The following THUMPD2 variants were observed in gnomAD, a reference collection of about 807,000 sequenced individuals.
THUMPD2 encodes U6 snRNA (guanine-N(2))-methyltransferase THUMPD2.
Under a neutral mutation model 49.4 loss-of-function variants are expected in THUMPD2, and 56 were observed. The observed-to-expected ratio is 1.13, with a 90% confidence interval of 0.91 to 1.41. The LOEUF is 1.41. Among genes scored for constraint, THUMPD2 ranks in the 40% most tolerant of loss-of-function variants. The pLI, the probability that THUMPD2 is intolerant of heterozygous loss-of-function variation, is 0.00. For missense variants in THUMPD2, 709 were observed against 594.5 expected, an observed-to-expected ratio of 1.19 and a Z score of -2.00; for synonymous variants, 237 against 205.2, an observed-to-expected ratio of 1.15 and a Z score of -1.32.
At position 39,736,078 on chromosome 2, in the gene THUMPD2, GTTTC is replaced by G. The variant is rs1476290825; in HGVS notation, c.*653_*656del. ...AGCATATATTCTCCTCAAACTTACT[GTTTC>G]TTTTTCTCAGGTAGTGAACATAAGC... is the stretch of plus-strand genomic sequence containing the variant. On this transcript the variant is annotated 3_prime_UTR_variant, in exon 10 of 10. Transcript: ENST00000505747. 2 of 152,226 alleles carry G rather than the reference GTTTC, an allele frequency of 1.3e-5. No individual in the cohort carries two copies. The highest frequency in any genetic ancestry group is 2.1e-4 in the South Asian group (1 of 4,826). The allele number at this position is 152,226 out of a possible 1,614,324, so 9.4% of individuals were successfully genotyped here.
chr2:39,762,450 T>C (rs1340982437), intron 5 of THUMPD2, among the ~76,000 whole-genome samples: 1 of 152,154 alleles, frequency 6.6e-6, no homozygotes, highest in Non-Finnish European at 1.5e-5. Flanking sequence ...CTAAATGATA[T>C]ACCCCTTTAA....
intron 6 of THUMPD2, among the ~76,000 whole-genome samples, chr2:39,756,887 C>T (rs1166399200): frequency 1.3e-5 from 2 of 148,384 alleles, no homozygotes; most frequent in Admixed American, 6.7e-5. Context: ...TTCCATGACA[C>T]TTAGTAAATG....
At chr2:39,737,304 G>C (rs1037440835) in intron 9 of THUMPD2, among the ~76,000 whole-genome samples, 2 of 152,024 alleles carry the variant, frequency 1.3e-5, no homozygotes, top group African/African-American at 4.8e-5. Context: ...AAAGTAATTT[G>C]TAGTCACGGT....
At chr2:39,779,014 AG>A in intron 1 of THUMPD2, 99 bp downstream of exon 1, 1 of 1,330,266 alleles carries the variant, frequency 7.5e-7, no homozygotes. Flanking sequence ...TGGAACAGAG[AG>A]GGGCGCCAGC....
intron 4 of THUMPD2, among the ~76,000 whole-genome samples, chr2:39,766,387 A>C (rs1255648112): frequency 1.3e-5 from 2 of 152,112 alleles, no homozygotes; most frequent in African/African-American, 4.8e-5. Context: ...CTTCCTAGAG[A>C]TTCTAGGAAT....
chr2:39,779,129 C>T lies in THUMPD2; in HGVS notation c.111G>A (p.Arg37=). Residue 37 remains arginine, a synonymous_variant, in exon 1 of 10, where the codon CGG becomes CGA. Coordinates refer to ENST00000505747, the MANE Select transcript of THUMPD2 (RefSeq NM_025264.5). ...GCCAACTCACCTGCGTGGCCGCCAGCCGCGCCCGCACCTCTCGCATTACGA... is the reference window on the plus strand; with the variant it reads ...GCCAACTCACCTGCGTGGCCGCCAGTCGCGCCCGCACCTCTCGCATTACGA... ...EPFVMREVRA[R]LAATQVEYIS... is the part of the protein sequence containing the mutation. 2 of 1,513,416 alleles carry T rather than the reference C, an allele frequency of 1.3e-6. No individual in the cohort carries two copies. Among genetic ancestry groups the T allele is most frequent in the Non-Finnish European group, 1.8e-6 (2 of 1,136,948 alleles). The allele number at this position is 1,513,416 out of a possible 1,614,324, so 93.7% of individuals were successfully genotyped here.
chr2:39,740,993 T>C (rs980264184), intron 9 of THUMPD2, among the ~76,000 whole-genome samples: 1 of 152,210 alleles, frequency 6.6e-6, no homozygotes, highest in Non-Finnish European at 1.5e-5. Context: ...ACTACAGGTA[T>C]GAGCTACTGT....
intron 2 of THUMPD2, among the ~76,000 whole-genome samples, chr2:39,770,853 T>C (rs112137176): frequency 0.01 from 1,523 of 152,248 alleles, 27 homozygotes; most frequent in African/African-American, 0.034. Context: ...TAGTTTATTA[T>C]AGGCTATAAA....
At chr2:39,746,645 A>T (rs1674631002) in intron 8 of THUMPD2, among the ~76,000 whole-genome samples, 1 of 152,096 alleles carries the variant, frequency 6.6e-6, no homozygotes, top group African/African-American at 2.4e-5. Flanking sequence ...TGAAAAAAAA[A>T]TTTAGTTTTA....
intron 6 of THUMPD2, among the ~76,000 whole-genome samples, chr2:39,760,073 T>C (rs552387769): frequency 2.6e-4 from 40 of 152,304 alleles, no homozygotes; most frequent in Non-Finnish European, 5.3e-4. Context: ...TGACTAAGAA[T>C]AGGCTGTGTA....
At chr2:39,773,907 T>C (rs945876873) in intron 1 of THUMPD2, among the ~76,000 whole-genome samples, 1 of 152,190 alleles carries the variant, frequency 6.6e-6, no homozygotes, top group Non-Finnish European at 1.5e-5. Flanking sequence ...GTACAGCAGG[T>C]CCTTGAATAA....
intron 1 of THUMPD2, among the ~76,000 whole-genome samples, chr2:39,776,125 T>C (rs1369111548): frequency 6.6e-6 from 1 of 152,216 alleles, no homozygotes; most frequent in Non-Finnish European, 1.5e-5. Flanking sequence ...TAATAATACA[T>C]TAAACATCAT....
At chr2:39,739,007 T>C (rs1185257238) in intron 9 of THUMPD2, among the ~76,000 whole-genome samples, 4 of 152,202 alleles carry the variant, frequency 2.6e-5, no homozygotes, top group Non-Finnish European at 5.9e-5. Flanking sequence ...TCAGCAAAGC[T>C]AGACAATTCT....
intron 8 of THUMPD2, among the ~76,000 whole-genome samples, chr2:39,750,317 T>C (rs1047349005): frequency 1.2e-4 from 19 of 152,244 alleles, no homozygotes; most frequent in Non-Finnish European, 5.9e-5. Context: ...GGTTTCCCAT[T>C]GTGGTTTTGA....
chr2:39,773,897 G>A (rs1200044163), intron 1 of THUMPD2, among the ~76,000 whole-genome samples: 1 of 152,164 alleles, frequency 6.6e-6, no homozygotes, highest in African/African-American at 2.4e-5. Context: ...ATTATCAGAA[G>A]TACAGCAGGT....
At position 39,736,778 on chromosome 2, in the gene THUMPD2, G is replaced by C. The variant is rs149740816; in HGVS notation, c.1469C>G (p.Ala490Gly). The part of the protein sequence containing the change: ...CYKVSLGKTD[A>G]FICKYKKSHS... ...CGACTTCTTATATTTACATATGAACGCATCTGTCTTTCCAAGGCTAACTTT... is the reference window on the plus strand; with the variant it reads ...CGACTTCTTATATTTACATATGAACCCATCTGTCTTTCCAAGGCTAACTTT... Residue 490 changes from alanine (A) to glycine (G), a missense_variant, in exon 10 of 10, where the codon GCG becomes GGG. By Grantham distance (60) the Ala-to-Gly change is moderately conservative. Transcript: ENST00000505747. The C allele has an allele frequency of 2.5e-6, 4 of 1,613,974 alleles. No individual in the cohort carries two copies. The highest frequency in any genetic ancestry group is 1.3e-5 in the African/African-American group (1 of 74,906).
chr2:39,766,015 C>T (rs1293658113), intron 5 of THUMPD2, 42 bp downstream of exon 5: 15 of 1,483,686 alleles, frequency 1.0e-5, no homozygotes, highest in Non-Finnish European at 1.4e-5. Flanking sequence ...CTTAATTTAA[C>T]CATCTGTCTT....
intron 9 of THUMPD2, 55 bp from the exon 10 acceptor site, chr2:39,737,114 A>C: frequency 6.9e-7 from 1 of 1,455,090 alleles, no homozygotes; most frequent in Non-Finnish European, 9.3e-7. Context: ...GACAACAAAC[A>C]ATCCCACTTC....
In THUMPD2 at chr2:39,736,820, A is replaced by G; in HGVS notation, c.1427T>C (p.Val476Ala). The G allele has an allele frequency of 2.5e-6, 4 of 1,614,236 alleles. No homozygotes were observed. Among genetic ancestry groups the G allele is most frequent in the Non-Finnish European group, 2.5e-6 (3 of 1,180,036 alleles). ...GCTAACTTTGTAGCATTCCACTGGT[A>G]CCAAGGAGCCAAATGGTGACATTCT... ...LDRMSPFGSLVPVECYKVSLG... is the reference protein window; with the variant it reads ...LDRMSPFGSLAPVECYKVSLG... Residue 476 changes from valine (V) to alanine (A), a missense_variant, in exon 10 of 10, where the codon GTA becomes GCA. Transcript: ENST00000505747.
Sources: gnomAD v4.1 joint callset for allele counts (sites outside exome capture counted in the v4.1 genomes callset) on GRCh38, gnomAD v4.1.1 for gene constraint, MANE v1.5 for transcripts, NCBI Gene and HGNC (gene_info 2026-07-23, HGNC 2026-07-21) for gene names.